Variants in FTO observed in about 807,000 individuals in gnomAD.
The protein encoded by FTO is alpha-ketoglutarate-dependent dioxygenase FTO.
Under a neutral mutation model 63.9 loss-of-function variants are expected in FTO, and 47 were observed. The observed-to-expected ratio is 0.74, with a 90% CI of 0.58 to 0.94. The LOEUF is 0.94. Ranked by LOEUF, FTO falls within the 40% of genes least tolerant of loss-of-function variation. The pLI is 0.00. For missense variants in FTO, 562 were observed against 618.1 expected (o/e 0.91, Z 0.96); for synonymous variants, 207 against 224.4 (o/e 0.92, Z 0.69).
intron 4 of FTO, among the ~76,000 whole-genome samples, chr16:53,850,366 A>G (rs2079755418): frequency 6.6e-6 from 1 of 150,562 alleles, no homozygotes. Flanking sequence ...ATGAGGATGT[A>G]TCTCTCCTCC....
intron 8 of FTO, among the ~76,000 whole-genome samples, chr16:54,084,682 G>A (rs1368594149): frequency 6.6e-6 from 1 of 152,148 alleles, no homozygotes; most frequent in Non-Finnish European, 1.5e-5. Context: ...TCTTCAGGTG[G>A]CTCAAGTCTC....
chr16:53,892,287 A>G (rs2081168817), intron 7 of FTO, among the ~76,000 whole-genome samples: 1 of 152,038 alleles, frequency 6.6e-6, no homozygotes, highest in African/African-American at 2.4e-5. Context: ...TACCAGATTG[A>G]GGCCCCAAGA....
chr16:54,090,674 T>C (rs1412607176), intron 8 of FTO, among the ~76,000 whole-genome samples: 10 of 152,208 alleles, frequency 6.6e-5, no homozygotes. Flanking sequence ...TGCATTGCAA[T>C]GTAACAAATC....
At chr16:53,939,868 T>C (rs748732489) in intron 8 of FTO, among the ~76,000 whole-genome samples, 3 of 152,220 alleles carry the variant, frequency 2.0e-5, no homozygotes, top group Non-Finnish European at 2.9e-5. Flanking sequence ...AATCAACTGA[T>C]GGGCAGTTGG....
At chr16:54,018,849 C>T (rs1447393914) in intron 8 of FTO, among the ~76,000 whole-genome samples, 4 of 152,064 alleles carry the variant, frequency 2.6e-5, no homozygotes, top group African/African-American at 9.7e-5. Flanking sequence ...CAGTTTTGGC[C>T]GTTCTCTATA....
chr16:53,811,950 C>G, intron 2 of FTO, among the ~76,000 whole-genome samples: 1 of 151,968 alleles, frequency 6.6e-6, no homozygotes. Flanking sequence ...GTAGCTGAGA[C>G]CACTGGCATG....
In FTO at chr16:53,707,820, G is replaced by C. The variant is rs572816461; in HGVS notation, c.45+3591G>C. ...GCAGAGTCGTGTAACTGTCACCACC[G>C]TCTTATTTTAGAACAGTTCCATTCC... On this transcript the variant is annotated intron_variant, in intron 1 of 8. Coordinates refer to ENST00000471389, the MANE Select transcript of FTO (RefSeq NM_001080432.3). Among the ~76,000 whole-genome samples the C allele has an allele frequency of 2.0e-5, 3 of 152,242 alleles. No individual in the cohort carries two copies. The East Asian group carries it at 5.8e-4, about 29-fold the overall frequency.
intron 8 of FTO, among the ~76,000 whole-genome samples, chr16:54,091,903 A>G (rs2086392784): frequency 6.6e-6 from 1 of 152,264 alleles, no homozygotes; most frequent in African/African-American, 2.4e-5. Flanking sequence ...GGATTATTAC[A>G]TGAGTAAAGC....
chr16:53,892,216 T>C (rs1398671968), intron 7 of FTO, among the ~76,000 whole-genome samples: 1 of 152,056 alleles, frequency 6.6e-6, no homozygotes, highest in East Asian at 1.9e-4. Context: ...GTTAGATTTC[T>C]ACTTGGTACC....
intron 8 of FTO, 127 bp downstream of exon 8, chr16:53,934,236 A>G (rs1038755078): frequency 2.0e-6 from 2 of 979,796 alleles, no homozygotes; most frequent in African/African-American, 3.2e-5. Context: ...CACGTTTAAG[A>G]TGCTTTCAGC....
In FTO at chr16:54,112,689, C is replaced by T. The variant is rs1484875913; in HGVS notation, c.*774C>T. On this transcript the variant is annotated 3_prime_UTR_variant, in exon 9 of 9. Transcript: ENST00000471389. ...CTAAGTAAAAGCCTGAGCTTTGAGT[C>T]CTATGCTCAGCACACGGGAAGGAGA... The T allele has an allele frequency of 2.0e-5, 3 of 152,246 alleles. No individual in the cohort carries two copies. The highest frequency in any genetic ancestry group is 6.5e-5 in the Admixed American group (1 of 15,284). 9.4% of individuals were successfully genotyped at this position (152,246 alleles called of 1,614,324 possible). A position where few individuals can be genotyped will look rare whatever the true frequency, so the allele number is the denominator to read the frequency against.
At chr16:54,049,652 G>A (rs1266409965) in intron 8 of FTO, among the ~76,000 whole-genome samples, 3 of 152,182 alleles carry the variant, frequency 2.0e-5, no homozygotes, top group Admixed American at 6.5e-5. Context: ...AAGTGTTAAG[G>A]TGGTGGCTGG....
At chr16:53,824,970 T>C (rs2078966368) in intron 2 of FTO, among the ~76,000 whole-genome samples, 1 of 152,232 alleles carries the variant, frequency 6.6e-6, no homozygotes, top group Non-Finnish European at 1.5e-5. Context: ...AATCATTCCA[T>C]GTATTTCTGT....
chr16:53,709,860 T>G lies in FTO; in HGVS notation c.45+5631T>G, dbSNP rs575582556. 2.6e-5 allele frequency among the ~76,000 whole-genome samples: 4 copies of G among 152,194 alleles called. No homozygotes were observed. In the South Asian group the frequency reaches 8.3e-4, roughly 31 times the overall value. On this transcript the variant is annotated intron_variant, in intron 1 of 8. Coordinates refer to ENST00000471389, the MANE Select transcript of FTO (RefSeq NM_001080432.3). ...CCTAAATAGTTCAGCATATATTTCC[T>G]AAGAACATGGACATTCTCTTGCATA...
At chr16:53,909,365 G>C (rs2081622425) in intron 7 of FTO, among the ~76,000 whole-genome samples, 1 of 152,050 alleles carries the variant, frequency 6.6e-6, no homozygotes, top group African/African-American at 2.4e-5. Flanking sequence ...CAAATGAGGG[G>C]GTAGAAAATA....
At chr16:53,903,172 C>G (rs889564526) in intron 7 of FTO, among the ~76,000 whole-genome samples, 1 of 151,918 alleles carries the variant, frequency 6.6e-6, no homozygotes, top group Non-Finnish European at 1.5e-5. Context: ...TGTTTCTGTC[C>G]CCTCAATCCT....
intron 1 of FTO, among the ~76,000 whole-genome samples, chr16:53,706,750 G>C (rs1451704032): frequency 1.3e-5 from 2 of 152,070 alleles, no homozygotes; most frequent in African/African-American, 4.8e-5. Flanking sequence ...TCCATAATTT[G>C]TTCCTTTTTA....
intron 1 of FTO, among the ~76,000 whole-genome samples, chr16:53,749,150 G>C (rs2076719734): frequency 6.6e-6 from 1 of 152,160 alleles, no homozygotes; most frequent in African/African-American, 2.4e-5. Flanking sequence ...ACTGATTTTT[G>C]TGTGTTGATT....
At chr16:53,886,949 C>A (rs961876434) in intron 6 of FTO, 1 of 152,170 alleles carries the variant, frequency 6.6e-6, no homozygotes, top group African/African-American at 2.4e-5. Flanking sequence ...CTTTAGCGGG[C>A]AGTGGTAAAA....
Sources: gnomAD v4.1 joint callset for allele counts (sites outside exome capture counted in the v4.1 genomes callset) on GRCh38, gnomAD v4.1.1 for gene constraint, MANE v1.5 for transcripts, NCBI Gene and HGNC (gene_info 2026-07-23, HGNC 2026-07-21) for gene names.